The following WWOX variants were observed in gnomAD, a reference collection of about 807,000 sequenced individuals.
WWOX encodes WW domain containing oxidoreductase.
WWOX carries 69 observed loss-of-function variants against 46.2 expected under a neutral mutation model. That is an observed-to-expected ratio of 1.49 (90% CI 1.23 to 1.82). The LOEUF is 1.82. Among genes scored for constraint, WWOX ranks in the 40% most tolerant of loss-of-function variants. The pLI is 0.00. For missense variants in WWOX, 919 were observed against 542.6 expected (o/e 1.69, Z -6.89); for synonymous variants, 359 against 202.6 (o/e 1.77, Z -6.56).
chr16:78,707,953 A>G (rs570756283), intron 8 of WWOX, among the ~76,000 whole-genome samples: 27 of 152,348 alleles, frequency 1.8e-4, no homozygotes, highest in African/African-American at 5.5e-4. Context: ...TTTTGCCATT[A>G]CTTTTAATGG....
chr16:78,453,671 A>G (rs928565470), intron 8 of WWOX, among the ~76,000 whole-genome samples: 3 of 152,092 alleles, frequency 2.0e-5, no homozygotes, highest in African/African-American at 7.2e-5. Flanking sequence ...GTTTATGAAT[A>G]AAACATTTTA....
intron 5 of WWOX, among the ~76,000 whole-genome samples, chr16:78,369,826 C>T (rs1260532158): frequency 1.3e-5 from 2 of 151,946 alleles, no homozygotes; most frequent in African/African-American, 4.8e-5. Context: ...ATAGAGGCAG[C>T]ACAGTGCTGT....
chr16:78,229,307 A>C (rs2037169955), intron 5 of WWOX, among the ~76,000 whole-genome samples: 1 of 151,114 alleles, frequency 6.6e-6, no homozygotes, highest in Non-Finnish European at 1.5e-5. Flanking sequence ...CCAGGACTAG[A>C]ACCTACAATT....
At chr16:78,479,194 A>G (rs894747608) in intron 8 of WWOX, among the ~76,000 whole-genome samples, 2 of 152,224 alleles carry the variant, frequency 1.3e-5, no homozygotes, top group Admixed American at 6.5e-5. Context: ...CATATTCTCC[A>G]TCACTGTGTA....
chr16:78,514,256 C>G (rs374030533), intron 8 of WWOX, among the ~76,000 whole-genome samples: 1 of 152,176 alleles, frequency 6.6e-6, no homozygotes. Flanking sequence ...CTTGCTTTGA[C>G]TCCCTCCTTT....
At chr16:78,481,762 T>TGTGTGTGTGTGTGCGC (rs1555547259) in intron 8 of WWOX, among the ~76,000 whole-genome samples, 1 of 147,190 alleles carries the variant, frequency 6.8e-6, no homozygotes, top group Non-Finnish European at 1.5e-5. Flanking sequence ...TGTGTGTGTG[T>TGTGTGTGTGTGTGCGC]GTGCGCGCGC....
intron 8 of WWOX, among the ~76,000 whole-genome samples, chr16:78,801,188 C>T (rs747669730): frequency 6.6e-6 from 1 of 151,824 alleles, no homozygotes; most frequent in African/African-American, 2.4e-5. Context: ...TGGTTTCTAC[C>T]TCATTAAAAC....
intron 5 of WWOX, among the ~76,000 whole-genome samples, chr16:78,169,751 G>T (rs962824592): frequency 6.6e-6 from 1 of 152,070 alleles, no homozygotes; most frequent in Non-Finnish European, 1.5e-5. Context: ...ATCTCCCTAC[G>T]TTGTTTGCAG....
chr16:78,618,908 C>G (rs75573301), intron 8 of WWOX, among the ~76,000 whole-genome samples: 1,627 of 150,876 alleles, frequency 0.011, 30 homozygotes, highest in African/African-American at 0.038. Flanking sequence ...AGTAGGAGGC[C>G]TTGGAGTCAG....
chr16:78,560,708 C>T (rs551900488), intron 8 of WWOX, among the ~76,000 whole-genome samples: 1 of 152,016 alleles, frequency 6.6e-6, no homozygotes, highest in South Asian at 2.1e-4. Context: ...CATTTTGAAA[C>T]CAGTTCTTAA....
chr16:78,237,542 T>G (rs1048941855), intron 5 of WWOX: 1 of 152,156 alleles, frequency 6.6e-6, no homozygotes, highest in Non-Finnish European at 1.5e-5. Context: ...TCACCAGTGG[T>G]TCTCACTCTG....
intron 8 of WWOX, among the ~76,000 whole-genome samples, chr16:78,580,649 A>G (rs1489878495): frequency 6.6e-6 from 1 of 152,212 alleles, no homozygotes; most frequent in Non-Finnish European, 1.5e-5. Flanking sequence ...TATAGAAACA[A>G]CTTTTGTAAC....
At chr16:78,751,748 A>G (rs2142452121) in intron 8 of WWOX, among the ~76,000 whole-genome samples, 1 of 151,468 alleles carries the variant, frequency 6.6e-6, no homozygotes, top group Non-Finnish European at 1.5e-5. Flanking sequence ...GAAGGAAAGG[A>G]AGGAAGGAAG....
intron 8 of WWOX, among the ~76,000 whole-genome samples, chr16:78,466,012 A>T (rs2738666): frequency 0.29 from 44,571 of 151,624 alleles, 8,329 homozygotes; most frequent in African/African-American, 0.54. Context: ...AATGAGTACA[A>T]GTTTCTTTAG....
chr16:79,018,771 C>G (rs1266039635), intron 8 of WWOX, among the ~76,000 whole-genome samples: 1 of 152,122 alleles, frequency 6.6e-6, no homozygotes, highest in Non-Finnish European at 1.5e-5. Context: ...TGGTTCTGTG[C>G]TAAATACAGT....
Position 78,749,130 on chromosome 16 carries a change from C to G in WWOX, c.1056+316378C>G, listed in dbSNP as rs145427445. ...ACCGAGGCTATGGTGGCATAGTCCT[C>G]CATGACCAAGGGCTGTCTGCATGGG... On this transcript the variant is annotated intron_variant, in intron 8 of 8. Coordinates refer to ENST00000566780, the MANE Select transcript of WWOX (RefSeq NM_016373.4). Among the ~76,000 whole-genome samples the G allele has an allele frequency of 3.3e-5, 5 of 152,298 alleles. No individual in the cohort carries two copies. The East Asian group carries it at 7.7e-4, about 24-fold the overall frequency.
At chr16:78,397,884 G>A (rs1016289649) in intron 6 of WWOX, among the ~76,000 whole-genome samples, 1 of 152,190 alleles carries the variant, frequency 6.6e-6, no homozygotes, top group Non-Finnish European at 1.5e-5. Context: ...TGTAAAGGAG[G>A]TTAAAGTCAG....
At chr16:78,868,185 C>G (rs1042267824) in intron 8 of WWOX, among the ~76,000 whole-genome samples, 1 of 152,174 alleles carries the variant, frequency 6.6e-6, no homozygotes, top group Non-Finnish European at 1.5e-5. Context: ...CAATGGAATA[C>G]TACTCAGCAA....
chr16:78,470,387 C>T (rs1044958856), intron 8 of WWOX, among the ~76,000 whole-genome samples: 1 of 152,174 alleles, frequency 6.6e-6, no homozygotes, highest in African/African-American at 2.4e-5. Context: ...TCTCATTTAC[C>T]TTTTCCCCCT....
Sources: allele counts gnomAD v4.1 joint callset (sites outside exome capture counted in the v4.1 genomes callset), GRCh38; gene constraint gnomAD v4.1.1; transcripts MANE v1.5; gene names NCBI Gene and HGNC (gene_info 2026-07-23, HGNC 2026-07-21).